Variants in SUSD2 observed in about 807,000 individuals in gnomAD.
SUSD2 encodes the protein sushi domain-containing protein 2.
SUSD2 carries 86 observed loss-of-function variants against 93.8 expected under a neutral mutation model. The ratio of observed to expected loss-of-function variants is 0.92; its 90% CI spans 0.77 to 1.10. The LOEUF is 1.10. Among genes scored for constraint, SUSD2 ranks in the 50% least tolerant of loss-of-function variants. The pLI, the probability that SUSD2 is intolerant of heterozygous loss-of-function variation, is 0.00. For missense variants in SUSD2, 1,060 were observed against 1,137.0 expected, an observed-to-expected ratio of 0.93 and a Z score of 0.97; for synonymous variants, 483 against 485.0, an observed-to-expected ratio of 1.00 and a Z score of 0.05.
chr22:24,184,637 C>T, intron 4 of SUSD2, 129 bp from the exon 5 acceptor site: 1 of 744,146 alleles, frequency 1.3e-6, no homozygotes. Flanking sequence ...GGGGTCCCTG[C>T]TAGAACAGCC....
In SUSD2 at chr22:24,185,125, G is replaced by T. The variant is rs377095412; in HGVS notation, c.814G>T (p.Ala272Ser). The T allele has an allele frequency of 5.0e-6, 8 of 1,612,850 alleles. No homozygotes were observed. Among genetic ancestry groups the T allele is most frequent in the Non-Finnish European group, 6.8e-6 (8 of 1,179,808 alleles). The change falls in exon 6 of 15, where the codon GCA becomes TCA. Residue 272 changes from alanine (A) to serine (S), a missense_variant. Coordinates refer to ENST00000358321, the MANE Select transcript of SUSD2 (RefSeq NM_019601.4). ...GCAGGCGCTCTGGACCAACGACCAC[G>T]CACTGGCCTGGCACCTGAGCGATGA... ...DVQALWTNDH[A>S]LAWHLSDDFR...
intron 10 of SUSD2, 78 bp downstream of exon 10, chr22:24,186,493 C>G (rs2047367626): frequency 6.5e-7 from 1 of 1,538,032 alleles, no homozygotes; most frequent in African/African-American, 1.4e-5. Context: ...AGGGGAAGCC[C>G]TGGGCCTTCA....
intron 10 of SUSD2, 48 bp downstream of exon 10, chr22:24,186,463 C>T: frequency 6.3e-7 from 1 of 1,596,074 alleles, no homozygotes; most frequent in Non-Finnish European, 8.5e-7. Context: ...CACCTCCTCC[C>T]CATTCCTGCA....
At position 24,187,553 on chromosome 22, in the gene SUSD2, C is replaced by G. The variant is rs764989338; in HGVS notation, c.1892-18C>G. The G allele has an allele frequency of 6.2e-7, 1 of 1,603,806 alleles. No individual in the cohort carries two copies. The highest frequency in any genetic ancestry group is 1.3e-5 in the African/African-American group (1 of 74,684). ...AAGGGAGCCATGCCCAGCCAGGCCCCGGTCATGTATCTTCCAGGGACCGTG... is the reference window on the plus strand; with the variant it reads ...AAGGGAGCCATGCCCAGCCAGGCCCGGGTCATGTATCTTCCAGGGACCGTG... On this transcript the variant is annotated intron_variant, in intron 11 of 14. Coordinates refer to ENST00000358321, the MANE Select transcript of SUSD2 (RefSeq NM_019601.4).
At position 24,183,131 on chromosome 22, in the gene SUSD2, CTTG is replaced by C; in HGVS notation, c.152_154del (p.Leu51_Gly52delinsArg). On this transcript the variant is annotated inframe_deletion, in exon 2 of 15. Coordinates refer to ENST00000358321, the MANE Select transcript of SUSD2 (RefSeq NM_019601.4). ...TTCCTGCCACCCGACGTGCTCTGGCCTTGGCACCTGCTGCTTGGATTTCCGGGA... is the reference window on the plus strand; with the variant it reads ...TTCCTGCCACCCGACGTGCTCTGGCCGCACCTGCTGCTTGGATTTCCGGGA... 6.2e-7 allele frequency: 1 copy of C among 1,614,064 alleles called. No homozygotes were observed. The highest frequency in any genetic ancestry group is 1.7e-4 in the Middle Eastern group (1 of 6,056).
Position 24,184,252 on chromosome 22 carries a change from T to G in SUSD2, c.556T>G (p.Ser186Ala). 9 of 1,613,690 alleles carry G rather than the reference T, an allele frequency of 5.6e-6. No individual in the cohort carries two copies. Among genetic ancestry groups the G allele is most frequent in the Non-Finnish European group, 6.8e-6 (8 of 1,180,010 alleles). ...GNLSLTWHVK[S>A]LPTQTITIEL... ...CCTCAGCCTGACCTGGCATGTCAAG[T>G]CGCTGCCCACGCAGACCATCACCAT... The change falls in exon 4 of 15, where the codon TCG (serine) becomes GCG (alanine). Residue 186 changes from serine (S) to alanine (A), a missense_variant. By Grantham distance (99) the Ser-to-Ala change is moderately conservative. Coordinates refer to ENST00000358321, the MANE Select transcript of SUSD2 (RefSeq NM_019601.4).
Position 24,183,037 on chromosome 22 carries a change from C to T in SUSD2, c.77-20C>T. The T allele has an allele frequency of 1.2e-6, 2 of 1,609,760 alleles. No homozygotes were observed. Among genetic ancestry groups the T allele is most frequent in the Non-Finnish European group, 1.7e-6 (2 of 1,178,578 alleles). On this transcript the variant is annotated intron_variant, in intron 1 of 14. Coordinates refer to ENST00000358321, the MANE Select transcript of SUSD2 (RefSeq NM_019601.4). ...AGTCCAGTACCCGCCGGGCCAGGCCCTCAGCATCCTCTCCTCCAGATGCCC... is the reference window on the plus strand; with the variant it reads ...AGTCCAGTACCCGCCGGGCCAGGCCTTCAGCATCCTCTCCTCCAGATGCCC...
chr22:24,185,188 T>G lies in SUSD2; in HGVS notation c.877T>G (p.Cys293Gly), dbSNP rs1225073480. 6.2e-7 allele frequency: 1 copy of G among 1,611,892 alleles called. No homozygotes were observed. Among genetic ancestry groups the G allele is most frequent in the East Asian group, 2.2e-5 (1 of 44,826 alleles). Residue 293 changes from cysteine to glycine, a missense_variant, in exon 6 of 15, where the codon TGC becomes GGC. This residue lies in a region of SUSD2 where 973 missense variants were observed against 1,005.3 expected (regional missense o/e 0.97). Coordinates refer to ENST00000358321, the MANE Select transcript of SUSD2 (RefSeq NM_019601.4). ...CCCTGTGGCCTGGGCACGAACTCAGTGCCAGGCCTGGGAGGAGCTGGAGGA... is the reference window on the plus strand; with the variant it reads ...CCCTGTGGCCTGGGCACGAACTCAGGGCCAGGCCTGGGAGGAGCTGGAGGA... ...EDPVAWARTQCQAWEELEDQL... is the reference protein window; with the variant it reads ...EDPVAWARTQGQAWEELEDQL...
At chr22:24,181,649 C>T in intron 1 of SUSD2, 54 bp downstream of exon 1, 1 of 1,400,272 alleles carries the variant, frequency 7.1e-7, no homozygotes, top group Non-Finnish European at 9.8e-7. Flanking sequence ...TGTCTGCAGC[C>T]AGGCCTGGGC....
intron 6 of SUSD2, 65 bp from the exon 7 acceptor site, chr22:24,185,421 T>A (rs1941438638): frequency 3.9e-6 from 6 of 1,534,152 alleles, no homozygotes; most frequent in Non-Finnish European, 5.3e-6. Flanking sequence ...CCCTGCAGGG[T>A]TGGCCTCAGG....
rs761117001 is a variant in SUSD2, at chr22:24,186,020, C to T, written c.1344C>T (p.Ser448=). Residue 448 remains serine (S), a synonymous_variant, in exon 9 of 15, where the codon TCC becomes TCT. Transcript: ENST00000358321. ...GACCCTCCACTCTCACCCTAGCCTC[C>T]GCCTTCGGAGACCCACACTTTGTGA... is the stretch of plus-strand genomic sequence containing the variant. ...CRNYRPPRLA[S]AFGDPHFVTF... 1.1e-5 allele frequency: 18 copies of T among 1,607,346 alleles called. No homozygotes were observed. Among genetic ancestry groups the T allele is most frequent in the Middle Eastern group, 1.6e-4 (1 of 6,066 alleles).
At chr22:24,186,491 C>T (rs918058917) in intron 10 of SUSD2, 76 bp downstream of exon 10, 1 of 1,540,454 alleles carries the variant, frequency 6.5e-7, no homozygotes, top group Non-Finnish European at 8.8e-7. Context: ...TGAGGGGAAG[C>T]CCTGGGCCTT....
rs149912020 is a variant in SUSD2, at chr22:24,183,088, C to T, written c.108C>T (p.Gly36=). 1.4e-3 allele frequency: 2,274 copies of T among 1,612,728 alleles called. No individual in the cohort carries two copies. Among genetic ancestry groups the T allele is most frequent in the Non-Finnish European group, 1.7e-3 (2,046 of 1,178,840 alleles). The change falls in exon 2 of 15, where the codon GGC becomes GGT. Residue 36 remains glycine (G), a synonymous_variant. Coordinates refer to ENST00000358321, the MANE Select transcript of SUSD2 (RefSeq NM_019601.4). ...AAGAGAGCTGCTCCATGCGCTGTGG[C>T]GCCCTGGACGGGCCATGTTCCTGCC... is the stretch of plus-strand genomic sequence containing the variant. The part of the protein sequence containing the change: ...DAQESCSMRC[G]ALDGPCSCHP...
chr22:24,186,008 C>T lies in SUSD2; in HGVS notation c.1340-8C>T, dbSNP rs1238681189. ...GCACCCCCACGTGACCCTCCACTCT[C>T]ACCCTAGCCTCCGCCTTCGGAGACC... On this transcript the variant is annotated splice_polypyrimidine_tract_variant and splice_region_variant and intron_variant, in intron 8 of 14. Transcript: ENST00000358321. 3 of 1,602,758 alleles carry T rather than the reference C, an allele frequency of 1.9e-6. No individual in the cohort carries two copies. The Admixed American group carries it at 5.0e-5, about 27-fold the overall frequency.
chr22:24,184,467 G>A (rs1569339770), intron 4 of SUSD2, among the ~76,000 whole-genome samples, 164 bp downstream of exon 4: 1 of 152,010 alleles, frequency 6.6e-6, no homozygotes, highest in Non-Finnish European at 1.5e-5. Flanking sequence ...GGAAGTGCAG[G>A]TCAGGGGGGT....
In SUSD2 at chr22:24,182,905, G is replaced by A. The variant is rs904291538; in HGVS notation, c.77-152G>A. 2,180 of 628,034 alleles carry A rather than the reference G, an allele frequency of 3.5e-3. 33 individuals carry two copies. In the African/African-American group the frequency reaches 0.035, roughly 10 times the overall value. The allele number at this position is 628,034 out of a possible 1,614,324, so 38.9% of individuals were successfully genotyped here. A position where few individuals can be genotyped will look rare whatever the true frequency, so the allele number is the denominator to read the frequency against. On this transcript the variant is annotated intron_variant, in intron 1 of 14. Coordinates refer to ENST00000358321, the MANE Select transcript of SUSD2 (RefSeq NM_019601.4). ...CCCACGGGCCCTGTGGCTTTCTACT[G>A]TGTCCACCTGGTGGCCTGTGCAGTT...
At chr22:24,183,677 C>T in intron 3 of SUSD2, 31 bp downstream of exon 3, 1 of 1,599,662 alleles carries the variant, frequency 6.3e-7, no homozygotes, top group Non-Finnish European at 8.5e-7. Context: ...ACAGCCTGCC[C>T]CCACGGGGAC....
Position 24,183,617 on chromosome 22 carries a change from C to G in SUSD2, c.410C>G (p.Ser137Cys). The G allele has an allele frequency of 6.2e-7, 1 of 1,612,808 alleles. No homozygotes were observed. Among genetic ancestry groups the G allele is most frequent in the Non-Finnish European group, 8.5e-7 (1 of 1,179,968 alleles). Residue 137 changes from serine (S) to cysteine (C), a missense_variant, in exon 3 of 15, where the codon TCC becomes TGC. Coordinates refer to ENST00000358321, the MANE Select transcript of SUSD2 (RefSeq NM_019601.4). Reference sequence around the variant, plus strand: ...ACTGTGTCACTGGACAACGGCCACTCCTTCCCTCGTGCGGGCACCTGGCTG... The same window carrying G: ...ACTGTGTCACTGGACAACGGCCACTGCTTCCCTCGTGCGGGCACCTGGCTG... The part of the protein sequence containing the change: ...PFTVSLDNGH[S>C]FPRAGTWLAV...
In SUSD2 at chr22:24,184,219, T is replaced by A; in HGVS notation, c.523T>A (p.Ser175Thr). 1 of 1,613,662 alleles carries A rather than the reference T, an allele frequency of 6.2e-7. No homozygotes were observed. Among genetic ancestry groups the A allele is most frequent in the African/African-American group, 1.3e-5 (1 of 75,036 alleles). ...RWQYYGTANT[S>T]GNLSLTWHVK... ...GCAATACTACGGCACCGCCAACACC[T>A]CAGGCAACCTCAGCCTGACCTGGCA... The change falls in exon 4 of 15, where the codon TCA becomes ACA. Residue 175 changes from serine (S) to threonine (T), a missense_variant. Physicochemically the swap from Ser to Thr is moderately conservative, Grantham distance 58. Transcript: ENST00000358321.
Sources: allele counts gnomAD v4.1 joint callset (sites outside exome capture counted in the v4.1 genomes callset), GRCh38; gene constraint gnomAD v4.1.1; regional missense constraint gnomAD v4.1.1; transcripts MANE v1.5; gene names NCBI Gene and HGNC (gene_info 2026-07-23, HGNC 2026-07-21).